The following RFX7 variants were observed in gnomAD, a reference collection of about 807,000 sequenced individuals.
RFX7 encodes regulatory factor X7.
RFX7 carries 26 observed loss-of-function variants against 111.8 expected under a neutral mutation model. The observed-to-expected ratio is 0.23, with a 90% CI of 0.17 to 0.32. RFX7 has a LOEUF of 0.32. RFX7 is among the 10% of genes least tolerant of loss of function. The probability of loss-of-function intolerance (pLI) is 1.00; values close to 1 mark genes in which losing one functional copy is unlikely to be tolerated. For synonymous variants in RFX7, 624 were observed against 624.4 expected (o/e 1.00, Z 0.01); for missense variants, 1,573 against 1,772.9 (o/e 0.89, Z 2.02).
In RFX7 at chr15:56,093,684, G is replaced by A; in HGVS notation, c.4044C>T (p.Ser1348=). ...EIGEQQLDFN[S]TVKDLLSGDS... ...CTCCACTCAACAGGTCTTTAACAGTGCTATTGAAATCTAATTGTTGCTCTC... is the reference window on the plus strand; with the variant it reads ...CTCCACTCAACAGGTCTTTAACAGTACTATTGAAATCTAATTGTTGCTCTC... The change falls in exon 10 of 10, where the codon AGC becomes AGT. Residue 1348 remains serine, a synonymous_variant. Transcript: ENST00000559447. 6.2e-7 allele frequency: 1 copy of A among 1,613,852 alleles called. No individual in the cohort carries two copies. Among genetic ancestry groups the A allele is most frequent in the Non-Finnish European group, 8.5e-7 (1 of 1,179,812 alleles).
At chr15:56,225,846 T>G (rs1257122511) in intron 2 of RFX7, among the ~76,000 whole-genome samples, 2 of 152,206 alleles carry the variant, frequency 1.3e-5, no homozygotes, top group South Asian at 4.1e-4. Flanking sequence ...CATATTTTCT[T>G]AGACAACCTA....
chr15:56,145,707 C>T (rs1567026239), intron 3 of RFX7, among the ~76,000 whole-genome samples: 1 of 152,146 alleles, frequency 6.6e-6, no homozygotes, highest in South Asian at 2.1e-4. Context: ...AACTCTTTTT[C>T]TCTTGGTGCA....
At chr15:56,125,954 T>C (rs1423978027) in intron 5 of RFX7, among the ~76,000 whole-genome samples, 2 of 152,164 alleles carry the variant, frequency 1.3e-5, no homozygotes, top group Non-Finnish European at 2.9e-5. Context: ...TTAAATATAA[T>C]TTGGAAGGAG....
In RFX7 at chr15:56,094,660, G is replaced by A. The variant is rs2140511619; in HGVS notation, c.3068C>T (p.Pro1023Leu). Residue 1023 changes from proline (P) to leucine (L), a missense_variant, in exon 10 of 10, where the codon CCG (proline) becomes CTG (leucine). Pro to Leu is a moderately conservative substitution (Grantham distance 98). Transcript: ENST00000559447. ...VPPSPVECRNPFAFTPISSSM... is the reference protein window; with the variant it reads ...VPPSPVECRNLFAFTPISSSM... The stretch of plus-strand genomic sequence containing the variant: ...GGAGCTTATTGGAGTGAATGCAAAC[G>A]GATTCCTGCATTCAACAGGGCTGGG... The A allele has an allele frequency of 1.2e-6, 2 of 1,613,900 alleles. No homozygotes were observed. Among genetic ancestry groups the A allele is most frequent in the Non-Finnish European group, 1.7e-6 (2 of 1,179,878 alleles).
In RFX7 at chr15:56,096,222, T is replaced by C. The variant is rs773988027; in HGVS notation, c.1506A>G (p.Thr502=). Residue 502 remains threonine (T), a synonymous_variant, in exon 10 of 10, where the codon ACA becomes ACG. Coordinates refer to ENST00000559447, the MANE Select transcript of RFX7 (RefSeq NM_022841.7). ...TCTGTGGAACACTCCTTGATTCTTC[T>C]GTTGTTCCTGTAGCACTGCTGACTG... ...SASVSSATGT[T]EESRSVPQIK... The C allele has an allele frequency of 1.9e-6, 3 of 1,613,858 alleles. No individual in the cohort carries two copies. In the South Asian group the frequency reaches 3.3e-5, roughly 18 times the overall value.
chr15:56,172,621 AG>A (rs1229169186), intron 3 of RFX7, among the ~76,000 whole-genome samples: 2 of 152,184 alleles, frequency 1.3e-5, no homozygotes, highest in Admixed American at 1.3e-4. Flanking sequence ...GTATTAAGTT[AG>A]GGACAAGAAA....
intron 2 of RFX7, among the ~76,000 whole-genome samples, chr15:56,233,953 A>G (rs1434728089): frequency 1.3e-5 from 2 of 152,154 alleles, no homozygotes; most frequent in Non-Finnish European, 2.9e-5. Context: ...ATTTTCCTCT[A>G]TTTATTCACA....
Position 56,243,306 on chromosome 15 carries a change from G to C in RFX7, c.-2-19C>G. ...GCCATCGCTGCAGAGGGGTGGGAGG[G>C]AGGGAGGGAAAGATGGGGGCGCGGG... On this transcript the variant is annotated intron_variant, in intron 1 of 9. Transcript: ENST00000559447. 1.2e-6 allele frequency: 1 copy of C among 861,884 alleles called. No individual in the cohort carries two copies. The highest frequency in any genetic ancestry group is 1.5e-6 in the Non-Finnish European group (1 of 649,930). 53.4% of individuals were successfully genotyped at this position (861,884 alleles called of 1,614,324 possible). A position where few individuals can be genotyped will look rare whatever the true frequency, so the allele number is the denominator to read the frequency against.
In RFX7 at chr15:56,096,161, C is replaced by T; in HGVS notation, c.1567G>A (p.Gly523Arg). The change falls in exon 10 of 10, where the codon GGG becomes AGG. Residue 523 changes from glycine (G) to arginine (R), a missense_variant. By Grantham distance (125) the Gly-to-Arg change is moderately radical. Transcript: ENST00000559447. ...NGSVVSLQSPGSRSSSAGGTS... is the reference protein window; with the variant it reads ...NGSVVSLQSPRSRSSSAGGTS... Reference sequence around the variant, plus strand: ...CCCCCCGCACTGCTGCTCCTGGACCCAGGAGACTGAAGCGACACGACAGAA... The same window carrying T: ...CCCCCCGCACTGCTGCTCCTGGACCTAGGAGACTGAAGCGACACGACAGAA... 1 of 1,613,890 alleles carries T rather than the reference C, an allele frequency of 6.2e-7. No individual in the cohort carries two copies. Among genetic ancestry groups the T allele is most frequent in the East Asian group, 2.2e-5 (1 of 44,874 alleles).
chr15:56,103,756 G>T, intron 5 of RFX7, 86 bp from the exon 6 acceptor site: 1 of 786,146 alleles, frequency 1.3e-6, no homozygotes, highest in Non-Finnish European at 2.0e-6. Context: ...TGATCCTTCT[G>T]ACAAAGTGAA....
intron 4 of RFX7, 30 bp downstream of exon 4, chr15:56,144,371 T>C: frequency 8.0e-7 from 1 of 1,249,180 alleles, no homozygotes; most frequent in South Asian, 1.2e-5. Context: ...ATAAACAGCA[T>C]AATTATAGCA....
intron 2 of RFX7, among the ~76,000 whole-genome samples, chr15:56,225,257 T>C (rs372612764): frequency 1.3e-5 from 2 of 152,144 alleles, no homozygotes; most frequent in East Asian, 3.8e-4. Context: ...TTAACACATG[T>C]AACCTCAGCT....
intron 2 of RFX7, among the ~76,000 whole-genome samples, chr15:56,200,570 G>A (rs546005234): frequency 2.0e-5 from 3 of 152,194 alleles, no homozygotes; most frequent in Admixed American, 2.0e-4. Context: ...GGAGGCCGAG[G>A]TGGGCGGATC....
chr15:56,140,549 A>G (rs1221417719), intron 5 of RFX7, among the ~76,000 whole-genome samples: 1 of 152,228 alleles, frequency 6.6e-6, no homozygotes, highest in Non-Finnish European at 1.5e-5. Context: ...CCAGTACCTC[A>G]GATGGAAATG....
chr15:56,230,468 T>TACAGACAA (rs2043539450), intron 2 of RFX7, among the ~76,000 whole-genome samples: 1 of 152,264 alleles, frequency 6.6e-6, no homozygotes, highest in South Asian at 2.1e-4. Context: ...AACATCAGTT[T>TACAGACAA]AATATCTTGT....
At chr15:56,118,389 C>T (rs2042035550) in intron 5 of RFX7, among the ~76,000 whole-genome samples, 1 of 152,136 alleles carries the variant, frequency 6.6e-6, no homozygotes, top group Non-Finnish European at 1.5e-5. Context: ...ACTGTATCTC[C>T]ATGAGTTCAA....
At chr15:56,143,310 C>CATAT (rs1444802609) in intron 4 of RFX7, among the ~76,000 whole-genome samples, 4 of 150,760 alleles carry the variant, frequency 2.7e-5, no homozygotes, top group South Asian at 2.1e-4. Context: ...TATATACACA[C>CATAT]ATATATATAT....
chr15:56,144,597 T>C (rs1387930814), intron 3 of RFX7, 114 bp from the exon 4 acceptor site: 1 of 364,888 alleles, frequency 2.7e-6, no homozygotes, highest in Non-Finnish European at 5.5e-6. Flanking sequence ...TTAAAACAGA[T>C]GAATCATCTG....
intron 8 of RFX7, among the ~76,000 whole-genome samples, chr15:56,101,085 C>T (rs1185017440): frequency 2.0e-5 from 3 of 151,974 alleles, no homozygotes; most frequent in Admixed American, 6.5e-5. Flanking sequence ...GTAAAAGTAG[C>T]AATGGAAAAA....
Sources: gnomAD v4.1 joint callset for allele counts (sites outside exome capture counted in the v4.1 genomes callset) on GRCh38, gnomAD v4.1.1 for gene constraint, MANE v1.5 for transcripts, NCBI Gene and HGNC (gene_info 2026-07-23, HGNC 2026-07-21) for gene names.